Variants in SPIDR observed in about 807,000 individuals in gnomAD.
SPIDR encodes scaffold protein involved in DNA repair, also known as DNA repair-scaffolding protein.
Under a neutral mutation model 104.6 loss-of-function variants are expected in SPIDR, and 93 were observed. The ratio of observed to expected loss-of-function variants is 0.89; its 90% CI spans 0.75 to 1.06. The LOEUF (loss-of-function observed/expected upper bound fraction) is 1.06, where lower values mean the gene tolerates loss of function less well. Among genes scored for constraint, SPIDR ranks in the 50% least tolerant of loss-of-function variants. SPIDR has a pLI of 0.00. For synonymous variants in SPIDR, 431 were observed against 416.9 expected, an observed-to-expected ratio of 1.03 and a Z score of -0.41; for missense variants, 1,154 against 1,111.2, an observed-to-expected ratio of 1.04 and a Z score of -0.55.
At chr8:47,455,276 C>G (rs782278306) in intron 8 of SPIDR, among the ~76,000 whole-genome samples, 1 of 151,920 alleles carries the variant, frequency 6.6e-6, no homozygotes, top group Non-Finnish European at 1.5e-5. Flanking sequence ...TGCTTGTAGA[C>G]CATTGAAACT....
intron 1 of SPIDR, among the ~76,000 whole-genome samples, chr8:47,265,490 T>A (rs2033763264): frequency 6.6e-6 from 1 of 151,910 alleles, no homozygotes; most frequent in Non-Finnish European, 1.5e-5. Flanking sequence ...GTGCCTGGCC[T>A]AGAGGTTGTC....
Position 47,282,725 on chromosome 8 carries a change from A to G in SPIDR, c.190-1303A>G, listed in dbSNP as rs970130559. 7.2e-5 allele frequency among the ~76,000 whole-genome samples: 11 copies of G among 152,132 alleles called. No individual in the cohort carries two copies. The East Asian group carries it at 7.7e-4, about 11-fold the overall frequency. ...TGTATTCACTGGAGTAGCACTTTCA[A>G]TTTCGTTCAAGAGCTTCCCTTTGTA... On this transcript the variant is annotated intron_variant, in intron 2 of 19. Coordinates refer to ENST00000297423, the MANE Select transcript of SPIDR (RefSeq NM_001080394.4).
intron 17 of SPIDR, among the ~76,000 whole-genome samples, chr8:47,727,806 C>G (rs936188093): frequency 6.6e-6 from 1 of 152,166 alleles, no homozygotes; most frequent in Non-Finnish European, 1.5e-5. Flanking sequence ...GGGACAGGCT[C>G]ATTACTTTTC....
intron 3 of SPIDR, 108 bp from the exon 4 acceptor site, chr8:47,290,925 A>G: frequency 3.0e-6 from 2 of 674,952 alleles, no homozygotes; most frequent in South Asian, 5.3e-5. Flanking sequence ...TTCCTATCAC[A>G]GAGTTTTGTG....
Position 47,346,689 on chromosome 8 carries a change from G to A in SPIDR, c.526-49687G>A, listed in dbSNP as rs567208013. 3.3e-5 allele frequency among the ~76,000 whole-genome samples: 5 copies of A among 152,282 alleles called. No homozygotes were observed. The East Asian group carries it at 9.6e-4, about 29-fold the overall frequency. On this transcript the variant is annotated intron_variant, in intron 5 of 19. Coordinates refer to ENST00000297423, the MANE Select transcript of SPIDR (RefSeq NM_001080394.4). ...TAACTTCTTCCTGGTTTAGTCTTGG[G>A]AGGGTGTATGTTTGCAGGAATTTAC...
At chr8:47,499,005 G>A (rs1008385371) in intron 8 of SPIDR, among the ~76,000 whole-genome samples, 1 of 152,054 alleles carries the variant, frequency 6.6e-6, no homozygotes, top group Non-Finnish European at 1.5e-5. Flanking sequence ...CCATCTAGAA[G>A]CAAAGACCTC....
chr8:47,491,617 C>T (rs73565273), intron 8 of SPIDR, among the ~76,000 whole-genome samples: 2,745 of 152,126 alleles, frequency 0.018, 83 homozygotes, highest in African/African-American at 0.064. Context: ...ATACAGTAAA[C>T]GTGCTGAGGG....
At position 47,491,755 on chromosome 8, in the gene SPIDR, C is replaced by T. The variant is rs193015204; in HGVS notation, c.1097+51213C>T. On this transcript the variant is annotated intron_variant, in intron 8 of 19. Coordinates refer to ENST00000297423, the MANE Select transcript of SPIDR (RefSeq NM_001080394.4). The stretch of plus-strand genomic sequence containing the variant: ...TCCCAGCTGCTCCAAGAGGCTGAGG[C>T]AGGAAGATAGTTTGAGCCCATGAGT... 1.8e-3 allele frequency among the ~76,000 whole-genome samples: 273 copies of T among 152,034 alleles called. 1 individual carries two copies. Among genetic ancestry groups the T allele is most frequent in the African/African-American group, 6.4e-3 (264 of 41,476 alleles).
At chr8:47,571,277 G>A (rs1373227083) in intron 8 of SPIDR, among the ~76,000 whole-genome samples, 2 of 152,128 alleles carry the variant, frequency 1.3e-5, no homozygotes, top group Non-Finnish European at 2.9e-5. Context: ...CTGAGAGAGT[G>A]GATCTTAAGT....
chr8:47,651,972 G>A (rs1160208584), intron 10 of SPIDR, among the ~76,000 whole-genome samples: 1 of 152,092 alleles, frequency 6.6e-6, no homozygotes, highest in East Asian at 1.9e-4. Flanking sequence ...GTGGGAGAGG[G>A]TGAAGAATAA....
At chr8:47,509,140 T>C (rs959321223) in intron 8 of SPIDR, among the ~76,000 whole-genome samples, 1 of 152,154 alleles carries the variant, frequency 6.6e-6, no homozygotes, top group South Asian at 2.1e-4. Flanking sequence ...ACCCTCTCAT[T>C]AACTGTCCAT....
intron 9 of SPIDR, among the ~76,000 whole-genome samples, chr8:47,598,677 T>G (rs1048857831): frequency 4.5e-4 from 68 of 152,200 alleles, no homozygotes; most frequent in African/African-American, 1.6e-3. Flanking sequence ...TCCTGTGTGT[T>G]TTCAAAGACC....
chr8:47,418,219 G>A (rs1473635479), intron 7 of SPIDR, among the ~76,000 whole-genome samples: 4 of 152,272 alleles, frequency 2.6e-5, no homozygotes, highest in African/African-American at 9.6e-5. Flanking sequence ...TGGACAGTAT[G>A]CCCATTTTCC....
chr8:47,610,501 C>A lies in SPIDR; in HGVS notation c.1544+11305C>A, dbSNP rs551633816. Among the ~76,000 whole-genome samples the A allele has an allele frequency of 3.3e-5, 5 of 152,328 alleles. No individual in the cohort carries two copies. The East Asian group carries it at 9.6e-4, about 29-fold the overall frequency. Reference sequence around the variant, plus strand: ...AGCTGAGCCACCGCACCTTGCTGCCCCTCTCCTCCCCTTTTGCCTCTGTCA... The same window carrying A: ...AGCTGAGCCACCGCACCTTGCTGCCACTCTCCTCCCCTTTTGCCTCTGTCA... On this transcript the variant is annotated intron_variant, in intron 10 of 19. Coordinates refer to ENST00000297423, the MANE Select transcript of SPIDR (RefSeq NM_001080394.4).
At position 47,707,252 on chromosome 8, in the gene SPIDR, C is replaced by CAA. The variant is rs34372972; in HGVS notation, c.1977+5255_1977+5256dup. Among the ~76,000 whole-genome samples the CAA allele has an allele frequency of 4.6e-3, 437 of 95,376 alleles. 4 individuals carry two copies. The highest frequency in any genetic ancestry group is 0.038 in the East Asian group (127 of 3,376). 62.6% of individuals were successfully genotyped at this position (95,376 alleles called of 152,430 possible). ...TGGGTGACAGAGTGAGACTCTTTCT[C>CAA]AAAAAAAAAAAAAAAAAAATTCATT... On this transcript the variant is annotated intron_variant, in intron 14 of 19. Coordinates refer to ENST00000297423, the MANE Select transcript of SPIDR (RefSeq NM_001080394.4).
At chr8:47,550,699 T>C (rs545483420) in intron 8 of SPIDR, among the ~76,000 whole-genome samples, 1 of 152,330 alleles carries the variant, frequency 6.6e-6, no homozygotes, top group African/African-American at 2.4e-5. Flanking sequence ...AAATATACAA[T>C]CATGGCATCT....
At chr8:47,584,358 GA>G (rs2060051368) in intron 8 of SPIDR, among the ~76,000 whole-genome samples, 1 of 152,170 alleles carries the variant, frequency 6.6e-6, no homozygotes, top group African/African-American at 2.4e-5. Flanking sequence ...TTAAATTAGA[GA>G]ATTAAGTATT....
intron 10 of SPIDR, among the ~76,000 whole-genome samples, chr8:47,632,605 G>T (rs1260092496): frequency 6.6e-6 from 1 of 151,946 alleles, no homozygotes; most frequent in Non-Finnish European, 1.5e-5. Flanking sequence ...AAGAATGTCG[G>T]CAAACTCTAA....
intron 10 of SPIDR, among the ~76,000 whole-genome samples, chr8:47,658,544 CTGT>C (rs10584346): frequency 0.33 from 48,984 of 148,394 alleles, 8,279 homozygotes; most frequent in South Asian, 0.45. Context: ...GGTTTTGTTA[CTGT>C]TGTTGTTGTT....
Sources: gnomAD v4.1 joint callset for allele counts (sites outside exome capture counted in the v4.1 genomes callset) on GRCh38, gnomAD v4.1.1 for gene constraint, MANE v1.5 for transcripts, NCBI Gene and HGNC (gene_info 2026-07-23, HGNC 2026-07-21) for gene names.